Variants in C9orf78 observed in about 807,000 individuals in gnomAD.
C9orf78 encodes splicing factor C9orf78.
In C9orf78, 19 loss-of-function variants were observed where a neutral mutation model predicts 37.4. The observed-to-expected ratio is 0.51, with a 90% CI of 0.35 to 0.74. The LOEUF (loss-of-function observed/expected upper bound fraction) is 0.74. C9orf78 is among the 30% of genes least tolerant of loss of function. The pLI is 0.01. For missense variants in C9orf78, 291 were observed against 370.8 expected (o/e 0.78, Z 1.77); for synonymous variants, 130 against 128.0 (o/e 1.02, Z -0.10).
At chr9:129,829,065 C>T in intron 8 of C9orf78, 140 bp downstream of exon 8, 1 of 713,574 alleles carries the variant, frequency 1.4e-6, no homozygotes, top group Non-Finnish European at 2.6e-6. Context: ...GGCACATAGT[C>T]ATGGTCCAGA....
rs200977485 is a variant in C9orf78, at chr9:129,835,249, C to G, written c.-28G>C. ...TGACAACGGCCGAGTTGTACAGCCG[C>G]CGCGCCTCTGCGCAGCGGCCCAGGC... On this transcript the variant is annotated 5_prime_UTR_variant, in exon 1 of 9. Coordinates refer to ENST00000372447, the MANE Select transcript of C9orf78 (RefSeq NM_016520.3). The G allele has an allele frequency of 1.4e-4, 224 of 1,560,948 alleles. 1 individual carries two copies. In the African/African-American group the frequency reaches 2.9e-3, roughly 20 times the overall value.
At position 129,832,718 on chromosome 9, in the gene C9orf78, C is replaced by T. The variant is rs565930951; in HGVS notation, c.266+729G>A. Among the ~76,000 whole-genome samples, 7 of 152,346 alleles carry T rather than the reference C, an allele frequency of 4.6e-5. No homozygotes were observed. In the East Asian group the frequency reaches 5.8e-4, roughly 13 times the overall value. ...CCTCCTGAAGTGCTGGCATTACAGGCATGAGCCACCGCAGCTGGCCTGAAT... is the reference window on the plus strand; with the variant it reads ...CCTCCTGAAGTGCTGGCATTACAGGTATGAGCCACCGCAGCTGGCCTGAAT... On this transcript the variant is annotated intron_variant, in intron 4 of 8. Coordinates refer to ENST00000372447, the MANE Select transcript of C9orf78 (RefSeq NM_016520.3).
chr9:129,829,876 A>G lies in C9orf78; in HGVS notation c.543-335T>C, dbSNP rs150524957. On this transcript the variant is annotated intron_variant, in intron 6 of 8. Coordinates refer to ENST00000372447, the MANE Select transcript of C9orf78 (RefSeq NM_016520.3). ...TTATTCTAACAATTGTACCTCTTCCATAACAATTCCCTTTTAAAGTGGATA... is the reference window on the plus strand; with the variant it reads ...TTATTCTAACAATTGTACCTCTTCCGTAACAATTCCCTTTTAAAGTGGATA... 2.8e-3 allele frequency: 563 copies of G among 201,134 alleles called. 5 individuals carry two copies. Among genetic ancestry groups the G allele is most frequent in the African/African-American group, 0.012 (518 of 43,210 alleles). 12.5% of individuals were successfully genotyped at this position (201,134 alleles called of 1,614,324 possible).
In C9orf78 at chr9:129,829,132, G is replaced by A. The variant is rs776467026; in HGVS notation, c.778+73C>T. 50 of 1,046,532 alleles carry A rather than the reference G, an allele frequency of 4.8e-5. 2 individuals are homozygous for A. Among genetic ancestry groups the A allele is most frequent in the Non-Finnish European group, 5.8e-5 (39 of 670,804 alleles). 64.8% of individuals were successfully genotyped at this position (1,046,532 alleles called of 1,614,324 possible). On this transcript the variant is annotated intron_variant, in intron 8 of 8. Coordinates refer to ENST00000372447, the MANE Select transcript of C9orf78 (RefSeq NM_016520.3). The stretch of plus-strand genomic sequence containing the variant: ...AATGCCAGGCTCCACCCTGTCCCCC[G>A]CTGCATCCTGCCTCCATGGGTTCCC...
At position 129,829,317 on chromosome 9, in the gene C9orf78, G is replaced by C; in HGVS notation, c.680-14C>G. On this transcript the variant is annotated splice_polypyrimidine_tract_variant and intron_variant, in intron 7 of 8. Coordinates refer to ENST00000372447, the MANE Select transcript of C9orf78 (RefSeq NM_016520.3). ...CCTCATGATAAACTGGACCCAAAGA[G>C]ACCAGGGGACACGTTAGAACATGAG... 6.2e-7 allele frequency: 1 copy of C among 1,601,930 alleles called. No individual in the cohort carries two copies. Among genetic ancestry groups the C allele is most frequent in the East Asian group, 2.2e-5 (1 of 44,722 alleles).
rs769582785 is a variant in C9orf78 at position 129,834,776 on chromosome 9, G to A, written c.84-10C>T. 1.9e-5 allele frequency: 31 copies of A among 1,597,608 alleles called. No individual in the cohort carries two copies. Among genetic ancestry groups the A allele is most frequent in the Admixed American group, 8.3e-5 (5 of 59,890 alleles). On this transcript the variant is annotated splice_polypyrimidine_tract_variant and intron_variant, in intron 1 of 8. Transcript: ENST00000372447. Reference sequence around the variant, plus strand: ...CTCTTCCAGTTTTAATCTTTAAAAAGAAGAAGAAGCAGCAATGCATAAGCT... The same window carrying A: ...CTCTTCCAGTTTTAATCTTTAAAAAAAAGAAGAAGCAGCAATGCATAAGCT...
rs1554738829 is a variant in C9orf78 at position 129,833,015 on chromosome 9, G to GTGTATATACATGTGTGTATA, written c.266+431_266+432insTATACACACATGTATATACA. On this transcript the variant is annotated intron_variant, in intron 4 of 8. Transcript: ENST00000372447. The stretch of plus-strand genomic sequence containing the variant: ...TATATATATGTGTGTGTGTGTGTGT[G>GTGTATATACATGTGTGTATA]TATATGTGTATATACATGTGTGTAT... 8.0e-5 allele frequency among the ~76,000 whole-genome samples: 12 copies of GTGTATATACATGTGTGTATA among 149,258 alleles called. No individual in the cohort carries two copies. In the East Asian group the frequency reaches 1.0e-3, roughly 12 times the overall value.
Position 129,835,130 on chromosome 9 carries a change from C to G in C9orf78, c.83+9G>C, listed in dbSNP as rs2031684813. On this transcript the variant is annotated intron_variant, in intron 1 of 8. Transcript: ENST00000372447. ...TACCAAGCCTATGGGAGCCCCGCCC[C>G]AAACGCACCGAACCTCCTCTGAGTC... 1 of 1,607,672 alleles carries G rather than the reference C, an allele frequency of 6.2e-7. No individual in the cohort carries two copies. The highest frequency in any genetic ancestry group is 8.5e-7 in the Non-Finnish European group (1 of 1,174,672).
At position 129,828,232 on chromosome 9, in the gene C9orf78, G is replaced by T. The variant is rs1193030598; in HGVS notation, c.799C>A (p.Arg267Ser). ...EPERSPPNRK[R>S]PANEKATDDY... ...TCAGTTGCCTTCTCGTTAGCAGGAC[G>T]CTTGCGGTTAGGAGGGGACCCTGAG... Residue 267 changes from arginine to serine, a missense_variant, in exon 9 of 9, where the codon CGT (arginine) becomes AGT (serine). Arg to Ser is a moderately radical substitution (Grantham distance 110). Transcript: ENST00000372447. The T allele has an allele frequency of 6.2e-7, 1 of 1,604,294 alleles. No individual in the cohort carries two copies. Among genetic ancestry groups the T allele is most frequent in the South Asian group, 1.1e-5 (1 of 90,908 alleles).
chr9:129,828,804 C>T, intron 8 of C9orf78: 1 of 333,420 alleles, frequency 3.0e-6, no homozygotes, highest in South Asian at 2.5e-5. Flanking sequence ...AATCATAGCT[C>T]ACTGCAGCCT....
chr9:129,832,473 CTG>C (rs2031525938), intron 4 of C9orf78, among the ~76,000 whole-genome samples: 2 of 152,216 alleles, frequency 1.3e-5, no homozygotes, highest in African/African-American at 4.8e-5. Flanking sequence ...GAGTCTCACT[CTG>C]TCACCCAGGC....
chr9:129,834,668 G>C (rs757906505), intron 2 of C9orf78, 39 bp downstream of exon 2: 3 of 1,496,672 alleles, frequency 2.0e-6, no homozygotes, highest in Non-Finnish European at 2.8e-6. Flanking sequence ...TGTGTCTGTC[G>C]TCCCCGCCGC....
chr9:129,833,607 G>A, intron 3 of C9orf78, 51 bp downstream of exon 3: 1 of 1,465,012 alleles, frequency 6.8e-7, no homozygotes, highest in Non-Finnish European at 9.6e-7. Flanking sequence ...TCACTGAAGA[G>A]CACTGCAGGG....
At chr9:129,834,890 T>C (rs971467806) in intron 1 of C9orf78, 124 bp from the exon 2 acceptor site, 1 of 794,286 alleles carries the variant, frequency 1.3e-6, no homozygotes, top group African/African-American at 1.7e-5. Context: ...ACCAGCACAG[T>C]GGTCCAGAGG....
rs754038817 is a variant in C9orf78, at chr9:129,828,231, C to T, written c.800G>A (p.Arg267His). ...ATCAGTTGCCTTCTCGTTAGCAGGA[C>T]GCTTGCGGTTAGGAGGGGACCCTGA... ...EPERSPPNRK[R>H]PANEKATDDY... The change falls in exon 9 of 9, where the codon CGT becomes CAT. Residue 267 changes from arginine to histidine, a missense_variant. Physicochemically the swap from Arg to His is conservative, Grantham distance 29. Coordinates refer to ENST00000372447, the MANE Select transcript of C9orf78 (RefSeq NM_016520.3). 1.4e-5 allele frequency: 22 copies of T among 1,605,220 alleles called. 1 individual carries two copies. The highest frequency in any genetic ancestry group is 8.0e-5 in the African/African-American group (6 of 74,636).
rs56021512 is a variant in C9orf78 at position 129,827,783 on chromosome 9, CTTTTT to C, written c.*373_*377del. ...TGTCCTGGAAGCCATTTTTCTTTTT[CTTTTT>C]TTTTTTTTTTTTTTTTTTTGAGACA... is the stretch of plus-strand genomic sequence containing the variant. On this transcript the variant is annotated 3_prime_UTR_variant, in exon 9 of 9. Coordinates refer to ENST00000372447, the MANE Select transcript of C9orf78 (RefSeq NM_016520.3). 1.7e-4 allele frequency: 19 copies of C among 112,574 alleles called. No homozygotes were observed. Among genetic ancestry groups the C allele is most frequent in the South Asian group, 2.7e-4 (1 of 3,740 alleles). The allele number at this position is 112,574 out of a possible 1,614,324, so 7.0% of individuals were successfully genotyped here.
Position 129,834,229 on chromosome 9 carries a change from A to G in C9orf78, c.143+478T>C, listed in dbSNP as rs1477556491. On this transcript the variant is annotated intron_variant, in intron 2 of 8. Coordinates refer to ENST00000372447, the MANE Select transcript of C9orf78 (RefSeq NM_016520.3). The stretch of plus-strand genomic sequence containing the variant: ...AATGAGTTGAAAAGAACAGGGAATA[A>G]AAGTACATAGAAAGTTGTTCACAAT... 1.7e-5 allele frequency: 3 copies of G among 181,732 alleles called. No homozygotes were observed. In the Admixed American group the frequency reaches 1.7e-4, roughly 10 times the overall value. The allele number at this position is 181,732 out of a possible 1,614,324, so 11.3% of individuals were successfully genotyped here. A position where few individuals can be genotyped will look rare whatever the true frequency, so the allele number is the denominator to read the frequency against.
intron 8 of C9orf78, 144 bp downstream of exon 8, chr9:129,829,061 T>G (rs756834298): frequency 1.4e-6 from 1 of 710,840 alleles, no homozygotes; most frequent in South Asian, 1.5e-5. Context: ...GGAAGGCACA[T>G]AGTCATGGTC....
chr9:129,828,022 A>T lies in C9orf78; in HGVS notation c.*139T>A. ...TGGTCAGGCTGGTCTCAAACTCCCG[A>T]CCTCAGGTGATCCGCCCACCTCGGC... is the stretch of plus-strand genomic sequence containing the variant. On this transcript the variant is annotated 3_prime_UTR_variant, in exon 9 of 9. Transcript: ENST00000372447. 3.8e-6 allele frequency: 2 copies of T among 523,648 alleles called. No individual in the cohort carries two copies. Among genetic ancestry groups the T allele is most frequent in the Non-Finnish European group, 7.6e-6 (2 of 264,410 alleles). The allele number at this position is 523,648 out of a possible 1,614,324, so 32.4% of individuals were successfully genotyped here.
Sources: gnomAD v4.1 joint callset for allele counts (sites outside exome capture counted in the v4.1 genomes callset) on GRCh38, gnomAD v4.1.1 for gene constraint, MANE v1.5 for transcripts, NCBI Gene and HGNC (gene_info 2026-07-23, HGNC 2026-07-21) for gene names.